Variants in VEPH1 observed in about 807,000 individuals in gnomAD.
VEPH1 encodes ventricular zone-expressed PH domain-containing protein homolog 1.
A neutral mutation model predicts 85.2 loss-of-function variants in VEPH1; 80 were observed. The observed-to-expected ratio is 0.94, with a 90% CI of 0.78 to 1.13. The LOEUF (loss-of-function observed/expected upper bound fraction) is 1.13. VEPH1 is among the 50% of genes most tolerant of loss of function. The probability of loss-of-function intolerance (pLI) is 0.00; values close to 1 mark genes in which losing one functional copy is unlikely to be tolerated. For missense variants in VEPH1, 955 were observed against 980.5 expected, an observed-to-expected ratio of 0.97 and a Z score of 0.35; for synonymous variants, 297 against 348.0, an observed-to-expected ratio of 0.85 and a Z score of 1.63.
At chr3:157,279,899 C>G (rs1320823846) in intron 12 of VEPH1, among the ~76,000 whole-genome samples, 1 of 151,670 alleles carries the variant, frequency 6.6e-6, no homozygotes, top group Non-Finnish European at 1.5e-5. Context: ...GTCTGTAGTC[C>G]CAGCTACTCG....
intron 13 of VEPH1, among the ~76,000 whole-genome samples, chr3:157,262,094 C>T (rs543261066): frequency 1.3e-5 from 2 of 152,232 alleles, no homozygotes; most frequent in South Asian, 2.1e-4. Flanking sequence ...GCCCACCTCT[C>T]CTGTTGCAAT....
intron 7 of VEPH1, among the ~76,000 whole-genome samples, chr3:157,369,203 A>AAAAAAAAAAAAAAAAAAAAAT (rs1432731941): frequency 6.7e-6 from 1 of 148,962 alleles, no homozygotes; most frequent in South Asian, 2.2e-4. Flanking sequence ...AAAAAAAAAA[A>AAAAAAAAAAAAAAAAAAAAAT]ACCTCCTGAG....
In VEPH1 at chr3:157,428,305, T is replaced by C. The variant is rs1310211431; in HGVS notation, c.696+17A>G. 1.2e-5 allele frequency: 20 copies of C among 1,613,694 alleles called. No individual in the cohort carries two copies. The highest frequency in any genetic ancestry group is 1.6e-5 in the Non-Finnish European group (19 of 1,179,668). ...GCCTGGTTGTGTGCACCATGACATA[T>C]ACAATGTACTTTTTACCTCGAGTTG... On this transcript the variant is annotated intron_variant, in intron 5 of 13. Transcript: ENST00000362010.
chr3:157,307,813 G>C (rs1719675307), intron 11 of VEPH1, among the ~76,000 whole-genome samples: 1 of 151,496 alleles, frequency 6.6e-6, no homozygotes, highest in African/African-American at 2.4e-5. Flanking sequence ...ATATGATAAT[G>C]GTTGTTCTTG....
At chr3:157,262,721 C>T (rs80175458) in intron 13 of VEPH1, among the ~76,000 whole-genome samples, 5,045 of 151,940 alleles carry the variant, frequency 0.033, 268 homozygotes, top group African/African-American at 0.11. Context: ...AATTACAGTC[C>T]GGGCAAATGT....
intron 9 of VEPH1, among the ~76,000 whole-genome samples, chr3:157,327,554 G>A (rs530612266): frequency 4.6e-5 from 7 of 152,280 alleles, no homozygotes; most frequent in African/African-American, 9.6e-5. Context: ...GACGACTCAG[G>A]TGGAGAAAGA....
chr3:157,364,078 T>C (rs1426089121), intron 8 of VEPH1, among the ~76,000 whole-genome samples: 1 of 152,238 alleles, frequency 6.6e-6, no homozygotes, highest in Non-Finnish European at 1.5e-5. Flanking sequence ...ATTTTCCATA[T>C]GGCATATAAG....
intron 7 of VEPH1, among the ~76,000 whole-genome samples, chr3:157,372,732 A>G (rs1054469432): frequency 6.6e-6 from 1 of 152,208 alleles, no homozygotes; most frequent in African/African-American, 2.4e-5. Flanking sequence ...TTAAATTTTC[A>G]TGTCACAGAC....
chr3:157,382,520 GC>G (rs1485676369), intron 6 of VEPH1, among the ~76,000 whole-genome samples: 1 of 152,086 alleles, frequency 6.6e-6, no homozygotes, highest in African/African-American at 2.4e-5. Context: ...TTAAAATATG[GC>G]TTATTTCACC....
chr3:157,424,864 C>T lies in VEPH1; in HGVS notation c.696+3458G>A, dbSNP rs1732632814. On this transcript the variant is annotated intron_variant, in intron 5 of 13. Transcript: ENST00000362010. The stretch of plus-strand genomic sequence containing the variant: ...CCAACAATGTGAAAGAAAAGAAAAA[C>T]CCATTTTCTGAGGAGAAATTCAAGC... Among the ~76,000 whole-genome samples, 4 of 152,270 alleles carry T rather than the reference C, an allele frequency of 2.6e-5. No homozygotes were observed. The South Asian group carries it at 8.3e-4, about 32-fold the overall frequency.
intron 4 of VEPH1, among the ~76,000 whole-genome samples, chr3:157,435,100 G>T (rs1733451362): frequency 6.7e-6 from 1 of 148,808 alleles, no homozygotes; most frequent in African/African-American, 2.5e-5. Flanking sequence ...AGTTTTATTT[G>T]GTTCTTTAAA....
chr3:157,356,321 G>A (rs1196737249), intron 9 of VEPH1, among the ~76,000 whole-genome samples: 1 of 152,286 alleles, frequency 6.6e-6, no homozygotes, highest in Admixed American at 6.5e-5. Flanking sequence ...GGAATTAGCT[G>A]TCTTTTACTC....
chr3:157,312,900 ATTTTT>A (rs140277345), intron 11 of VEPH1, among the ~76,000 whole-genome samples: 90 of 98,076 alleles, frequency 9.2e-4, no homozygotes, highest in African/African-American at 2.8e-3. Context: ...AAAAAAAAAC[ATTTTT>A]TTTTTTTTTT....
At chr3:157,319,379 T>C (rs1359852544) in intron 9 of VEPH1, among the ~76,000 whole-genome samples, 1 of 152,166 alleles carries the variant, frequency 6.6e-6, no homozygotes, top group East Asian at 1.9e-4. Flanking sequence ...GAGAAAGACC[T>C]GGGAGAATAG....
intron 2 of VEPH1, among the ~76,000 whole-genome samples, chr3:157,472,724 A>G (rs895655875): frequency 1.3e-5 from 2 of 152,090 alleles, no homozygotes; most frequent in Non-Finnish European, 2.9e-5. Flanking sequence ...CTGTGTGTCC[A>G]TGTGTTCTTA....
intron 12 of VEPH1, among the ~76,000 whole-genome samples, chr3:157,278,257 TG>T (rs1195971676): frequency 6.6e-6 from 1 of 152,182 alleles, no homozygotes; most frequent in African/African-American, 2.4e-5. Flanking sequence ...GAATTTGATT[TG>T]TAATAAGAAG....
chr3:157,487,449 C>T (rs1358543484), intron 2 of VEPH1, among the ~76,000 whole-genome samples: 1 of 152,052 alleles, frequency 6.6e-6, no homozygotes, highest in African/African-American at 2.4e-5. Flanking sequence ...TATTAAAATA[C>T]ACAAATTTAT....
chr3:157,265,230 C>T (rs1002528296), intron 13 of VEPH1, among the ~76,000 whole-genome samples: 4 of 152,090 alleles, frequency 2.6e-5, no homozygotes, highest in Admixed American at 6.5e-5. Flanking sequence ...AATTTGTGTA[C>T]GTGGTCCACA....
At chr3:157,315,135 T>C (rs974130378) in intron 10 of VEPH1, among the ~76,000 whole-genome samples, 1 of 152,074 alleles carries the variant, frequency 6.6e-6, no homozygotes, top group Non-Finnish European at 1.5e-5. Flanking sequence ...TCAATGACTG[T>C]CTAAGCACTG....
Sources: gnomAD v4.1 joint callset for allele counts (sites outside exome capture counted in the v4.1 genomes callset) on GRCh38, gnomAD v4.1.1 for gene constraint, MANE v1.5 for transcripts, NCBI Gene and HGNC (gene_info 2026-07-23, HGNC 2026-07-21) for gene names.